Variants in ADGRB1 observed in about 807,000 individuals in gnomAD.
ADGRB1 encodes adhesion G protein-coupled receptor B1.
Under a neutral mutation model 175.7 loss-of-function variants are expected in ADGRB1, and 36 were observed. That is an observed-to-expected ratio of 0.20 (90% CI 0.16 to 0.27). The LOEUF (loss-of-function observed/expected upper bound fraction) is 0.27. Ranked by LOEUF, ADGRB1 falls within the 10% of genes least tolerant of loss-of-function variation. The pLI is 1.00. For missense variants in ADGRB1, 1,731 were observed against 2,255.3 expected (o/e 0.77, Z 4.71); for synonymous variants, 1,054 against 979.4 (o/e 1.08, Z -1.42).
intron 24 of ADGRB1, among the ~76,000 whole-genome samples, chr8:142,527,922 A>G (rs1844310589): frequency 6.6e-6 from 1 of 152,230 alleles, no homozygotes; most frequent in Non-Finnish European, 1.5e-5. Context: ...CCAGGTGGGC[A>G]CACACTAGAA....
At chr8:142,453,864 G>A (rs1470672629) in intron 1 of ADGRB1, among the ~76,000 whole-genome samples, 1 of 152,204 alleles carries the variant, frequency 6.6e-6, no homozygotes, top group African/African-American at 2.4e-5. Flanking sequence ...CAGGTGGGTG[G>A]GTGATGAAGG....
chr8:142,484,575 G>A, intron 12 of ADGRB1, 81 bp from the exon 13 acceptor site: 2 of 1,353,088 alleles, frequency 1.5e-6, no homozygotes, highest in South Asian at 2.7e-5. Context: ...ATAAGAAAAG[G>A]AGGGACAGGG....
intron 25 of ADGRB1, among the ~76,000 whole-genome samples, chr8:142,535,602 GC>G (rs1406556617): frequency 6.6e-6 from 1 of 152,190 alleles, no homozygotes; most frequent in African/African-American, 2.4e-5. Context: ...GGGCAGCCCA[GC>G]CGGCCCTGTG....
chr8:142,544,191 C>A, intron 30 of ADGRB1, 29 bp from the exon 31 acceptor site: 1 of 1,546,412 alleles, frequency 6.5e-7, no homozygotes, highest in Non-Finnish European at 8.7e-7. Context: ...CCGGGCCCCA[C>A]CCCTCCTGCA....
In ADGRB1 at chr8:142,542,362, C is replaced by A; in HGVS notation, c.4128C>A (p.Arg1376=). The A allele has an allele frequency of 6.3e-7, 1 of 1,594,838 alleles. No homozygotes were observed. The highest frequency in any genetic ancestry group is 8.5e-7 in the Non-Finnish European group (1 of 1,171,798). ...ACATTGACCAGATGCCGCAGACCCG[C>A]CTCATCCACCTCAGCACGGCCCCCG... ...SIHIDQMPQT[R]LIHLSTAPEA... is the part of the protein sequence containing the mutation. Residue 1376 remains arginine (R), a synonymous_variant, in exon 28 of 31, where the codon CGC becomes CGA. Transcript: ENST00000517894. The surrounding 1 kb of genome is among the most constrained non-coding windows in gnomAD (Gnocchi z 6.3).
At position 142,511,087 on chromosome 8, in the gene ADGRB1, C is replaced by T. The variant is rs949807241; in HGVS notation, c.2817+14C>T. The stretch of plus-strand genomic sequence containing the variant: ...AGCGCCGACGCGGTGAGACCCCGGC[C>T]GGGCCGGCGGGAGGGGCGCCGGGCA... On this transcript the variant is annotated intron_variant, in intron 18 of 30. Coordinates refer to ENST00000517894, the MANE Select transcript of ADGRB1 (RefSeq NM_001702.3). This position sits in a 1 kb window ranked among gnomAD's most constrained non-coding sequence, Gnocchi z 4.5. 1.5e-5 allele frequency: 17 copies of T among 1,105,212 alleles called. No individual in the cohort carries two copies. The highest frequency in any genetic ancestry group is 3.7e-4 in the Middle Eastern group (1 of 2,718). 68.5% of individuals were successfully genotyped at this position (1,105,212 alleles called of 1,614,324 possible). A position where few individuals can be genotyped will look rare whatever the true frequency, so the allele number is the denominator to read the frequency against.
At chr8:142,473,025 CT>C (rs955618882) in intron 2 of ADGRB1, among the ~76,000 whole-genome samples, 6 of 152,234 alleles carry the variant, frequency 3.9e-5, no homozygotes, top group African/African-American at 1.4e-4. Context: ...CTTTCTCCCC[CT>C]ACCACATCCT....
intron 25 of ADGRB1, among the ~76,000 whole-genome samples, chr8:142,535,910 G>A (rs1470502832): frequency 1.3e-5 from 2 of 152,184 alleles, no homozygotes; most frequent in East Asian, 3.9e-4. Flanking sequence ...AGAGGCCACT[G>A]AGACCCTGGT....
intron 17 of ADGRB1, among the ~76,000 whole-genome samples, chr8:142,494,380 T>G (rs908624684): frequency 5.9e-5 from 9 of 152,012 alleles, no homozygotes; most frequent in Admixed American, 2.6e-4. Flanking sequence ...CCACACATAG[T>G]CCTGACCTTG....
rs371349897 is a variant in ADGRB1, at chr8:142,478,372, G to A, written c.1561+12G>A. On this transcript the variant is annotated intron_variant, in intron 7 of 30. Transcript: ENST00000517894. Reference sequence around the variant, plus strand: ...GCAGCAGTGCCCAGGTCAGGGGTGCGCCAGGCTGGGGTCGGGGGGCACCTA... The same window carrying A: ...GCAGCAGTGCCCAGGTCAGGGGTGCACCAGGCTGGGGTCGGGGGGCACCTA... 1.7e-4 allele frequency: 269 copies of A among 1,583,972 alleles called. No homozygotes were observed. In the African/African-American group the frequency reaches 2.7e-3, roughly 16 times the overall value.
intron 26 of ADGRB1, among the ~76,000 whole-genome samples, chr8:142,538,231 C>T (rs529725658): frequency 1.3e-5 from 2 of 152,354 alleles, no homozygotes; most frequent in South Asian, 4.1e-4. Context: ...ACGGCTGGTG[C>T]GCGGGAGGTG....
chr8:142,476,173 A>T (rs563885766), intron 3 of ADGRB1, among the ~76,000 whole-genome samples: 2 of 152,322 alleles, frequency 1.3e-5, no homozygotes, highest in South Asian at 4.1e-4. Flanking sequence ...TCACGTTGTA[A>T]TGAGACTGTC....
chr8:142,502,117 A>G (rs796811872), intron 17 of ADGRB1, among the ~76,000 whole-genome samples: 23 of 5,634 alleles, frequency 4.1e-3, no homozygotes, highest in East Asian at 0.024. Context: ...GACGGAGGTG[A>G]GGTGGTGGGG....
intron 9 of ADGRB1, among the ~76,000 whole-genome samples, chr8:142,480,276 G>A (rs1046674537): frequency 1.3e-5 from 2 of 152,200 alleles, no homozygotes; most frequent in African/African-American, 4.8e-5. Context: ...GCAGCAGGCA[G>A]AGAGGATGGG....
chr8:142,465,018 G>C, intron 2 of ADGRB1, 36 bp downstream of exon 2: 2 of 1,217,792 alleles, frequency 1.6e-6, no homozygotes, highest in Non-Finnish European at 2.1e-6. Flanking sequence ...GGACAGGGGA[G>C]GTGGGCAGAC....
At chr8:142,484,328 T>C (rs1841545869) in intron 12 of ADGRB1, among the ~76,000 whole-genome samples, 2 of 152,078 alleles carry the variant, frequency 1.3e-5, no homozygotes, top group South Asian at 4.2e-4. Context: ...CATAGAGCCC[T>C]CCTCATGTTG....
At chr8:142,512,024 T>G (rs1308752427) in intron 18 of ADGRB1, among the ~76,000 whole-genome samples, 2 of 152,220 alleles carry the variant, frequency 1.3e-5, no homozygotes, top group African/African-American at 4.8e-5. Flanking sequence ...TCTCGGACAC[T>G]CCAGCCTCCT....
At chr8:142,453,141 G>C (rs1839462637) in intron 1 of ADGRB1, among the ~76,000 whole-genome samples, 1 of 151,178 alleles carries the variant, frequency 6.6e-6, no homozygotes. Flanking sequence ...CCCGGTCCCC[G>C]TGTGCGGTGC....
rs1839606156 is a variant in ADGRB1 at position 142,455,308 on chromosome 8, T to C, written c.-220+5204T>C. Among the ~76,000 whole-genome samples, 1 of 151,930 alleles carries C rather than the reference T, an allele frequency of 6.6e-6. No individual in the cohort carries two copies. The highest frequency in any genetic ancestry group is 2.4e-5 in the African/African-American group (1 of 41,324). ...GCCACCTCCCTCAGCATGATCGCTG[T>C]CACCTTGGCCCCCACCTTAGGCTCC... On this transcript the variant is annotated intron_variant, in intron 1 of 30. Coordinates refer to ENST00000517894, the MANE Select transcript of ADGRB1 (RefSeq NM_001702.3). The surrounding 1 kb of genome is among the most constrained non-coding windows in gnomAD (Gnocchi z 4.9).
Sources: allele counts gnomAD v4.1 joint callset (sites outside exome capture counted in the v4.1 genomes callset), GRCh38; gene constraint gnomAD v4.1.1; non-coding constraint Gnocchi (gnomAD v3.1); transcripts MANE v1.5; gene names NCBI Gene and HGNC (gene_info 2026-07-23, HGNC 2026-07-21).